The following CAPN8 variants were observed in gnomAD, a reference collection of about 807,000 sequenced individuals.
The protein encoded by CAPN8 is calpain 8, also known as calpain-8.
In CAPN8, 87 loss-of-function variants were observed where a neutral mutation model predicts 80.9. The ratio of observed to expected loss-of-function variants is 1.07; its 90% CI spans 0.90 to 1.28. The LOEUF is 1.28. Ranked by LOEUF, CAPN8 falls within the 50% of genes most tolerant of loss-of-function variation. The pLI is 0.00. For missense variants in CAPN8, 757 were observed against 702.0 expected, an observed-to-expected ratio of 1.08 and a Z score of -0.89; for synonymous variants, 299 against 273.8, an observed-to-expected ratio of 1.09 and a Z score of -0.91.
chr1:223,551,221 C>T (rs1656778868), intron 14 of CAPN8, among the ~76,000 whole-genome samples: 1 of 152,220 alleles, frequency 6.6e-6, no homozygotes, highest in Non-Finnish European at 1.5e-5. Flanking sequence ...CTGCTCACTG[C>T]AACCTCCATT....
intron 2 of CAPN8, among the ~76,000 whole-genome samples, chr1:223,650,952 G>T (rs1349919635): frequency 1.3e-5 from 2 of 152,226 alleles, no homozygotes; most frequent in African/African-American, 4.8e-5. Flanking sequence ...GGAACGAGCA[G>T]TGGAGGGACT....
chr1:223,645,745 C>T (rs1168399343), intron 2 of CAPN8, among the ~76,000 whole-genome samples: 2 of 152,306 alleles, frequency 1.3e-5, no homozygotes, highest in African/African-American at 2.4e-5. Context: ...AGCAAGAATG[C>T]AGACCAAAGT....
chr1:223,641,971 C>A (rs1051088557), intron 2 of CAPN8, among the ~76,000 whole-genome samples: 2 of 152,238 alleles, frequency 1.3e-5, no homozygotes, highest in African/African-American at 2.4e-5. Context: ...CTTCAATCCA[C>A]CACCATTCAA....
At chr1:223,552,549 C>T (rs533736653) in intron 14 of CAPN8, among the ~76,000 whole-genome samples, 1 of 110,406 alleles carries the variant, frequency 9.1e-6, no homozygotes. Flanking sequence ...CACAGAGCAA[C>T]AGTCCATCTC....
Position 223,544,794 on chromosome 1 carries a change from C to T in CAPN8, c.1890G>A (p.Met630Ile), listed in dbSNP as rs528355016. The change falls in exon 18 of 21, where the codon ATG (methionine) becomes ATA (isoleucine). Residue 630 changes from methionine to isoleucine, a missense_variant. Coordinates refer to ENST00000366872, the MANE Select transcript of CAPN8 (RefSeq NM_001143962.2). ...NHSGTIDAHE[M>I]RTALRKAGFT... ...CACCTGCCTTCCTGAGGGCTGTCCT[C>T]ATCTCGTGGGCATCGATGGTGCCCG... is the stretch of plus-strand genomic sequence containing the variant. The T allele has an allele frequency of 7.3e-5, 113 of 1,551,716 alleles. 1 individual carries two copies. In the South Asian group the frequency reaches 1.2e-3, roughly 17 times the overall value.
chr1:223,633,758 A>T (rs573998164), intron 2 of CAPN8, among the ~76,000 whole-genome samples: 12 of 152,326 alleles, frequency 7.9e-5, no homozygotes, highest in African/African-American at 2.6e-4. Flanking sequence ...TTCCCTTTAC[A>T]CATTAAAATC....
intron 16 of CAPN8, among the ~76,000 whole-genome samples, chr1:223,548,574 A>AC (rs1171504158): frequency 6.6e-6 from 1 of 152,118 alleles, no homozygotes; most frequent in East Asian, 1.9e-4. Flanking sequence ...AAACTCCCTC[A>AC]CCCCATCTAC....
intron 10 of CAPN8, among the ~76,000 whole-genome samples, chr1:223,614,678 C>T (rs1274210188): frequency 6.6e-6 from 1 of 152,202 alleles, no homozygotes; most frequent in Non-Finnish European, 1.5e-5. Flanking sequence ...GTGCATCTCA[C>T]TTTCCACTTC....
intron 11 of CAPN8, among the ~76,000 whole-genome samples, chr1:223,611,819 C>A (rs1657037246): frequency 6.6e-6 from 1 of 152,234 alleles, no homozygotes; most frequent in African/African-American, 2.4e-5. Context: ...ATGAATTGAG[C>A]CTTGCTGGCA....
Position 223,627,120 on chromosome 1 carries a change from T to C in CAPN8, c.598A>G (p.Thr200Ala). ...GCYEALAGGS[T>A]VEGFEDFTGG... ...GTGAAATCCTCAAACCCCTCCACTG[T>C]GGAACCTCCAGCGAGAGCCTCATAA... Residue 200 changes from threonine to alanine, a missense_variant, in exon 5 of 21, where the codon ACA becomes GCA. Thr to Ala is a moderately conservative substitution (Grantham distance 58, BLOSUM62 0). Transcript: ENST00000366872. 1.9e-6 allele frequency: 3 copies of C among 1,552,338 alleles called. No homozygotes were observed. Among genetic ancestry groups the C allele is most frequent in the Non-Finnish European group, 2.6e-6 (3 of 1,147,126 alleles).
chr1:223,640,974 T>G (rs926735685), intron 2 of CAPN8, among the ~76,000 whole-genome samples: 1 of 152,094 alleles, frequency 6.6e-6, no homozygotes. Flanking sequence ...TCAGTACCAC[T>G]GACCAAGAAG....
At position 223,627,059 on chromosome 1, in the gene CAPN8, G is replaced by T. The variant is rs1199042597; in HGVS notation, c.659C>A (p.Pro220Gln). 1.3e-6 allele frequency: 2 copies of T among 1,551,872 alleles called. No homozygotes were observed. The highest frequency in any genetic ancestry group is 1.4e-5 in the African/African-American group (1 of 73,134). The change falls in exon 5 of 21, where the codon CCA (proline) becomes CAA (glutamine). Residue 220 changes from proline to glutamine, a missense_variant. Physicochemically the swap from Pro to Gln is moderately conservative, Grantham distance 76 (BLOSUM62 -1). Transcript: ENST00000366872. ...GATGATCTGATATAGATTGGCTGGT[G>T]GTTTCTTCAGGTCATAAAACTCAGA... ...GISEFYDLKK[P>Q]PANLYQIIRK... is the part of the protein sequence containing the mutation.
intron 10 of CAPN8, 42 bp from the exon 11 acceptor site, chr1:223,612,299 A>G: frequency 8.1e-7 from 1 of 1,234,016 alleles, no homozygotes; most frequent in Non-Finnish European, 1.0e-6. Flanking sequence ...GAGAGCTCCA[A>G]GGTCCTCCTT....
chr1:223,626,788 C>G (rs1279619017), intron 5 of CAPN8, among the ~76,000 whole-genome samples: 1 of 152,104 alleles, frequency 6.6e-6, no homozygotes, highest in Non-Finnish European at 1.5e-5. Flanking sequence ...TGCAACTAAC[C>G]CCAGTTCCTA....
intron 11 of CAPN8, among the ~76,000 whole-genome samples, chr1:223,610,254 G>T (rs978383311): frequency 6.6e-6 from 1 of 152,156 alleles, no homozygotes; most frequent in Admixed American, 6.5e-5. Flanking sequence ...GTTCATTCTT[G>T]GTCATCAGAC....
chr1:223,631,694 A>G (rs867103898), intron 2 of CAPN8, among the ~76,000 whole-genome samples: 10 of 152,254 alleles, frequency 6.6e-5, no homozygotes, highest in African/African-American at 1.7e-4. Context: ...TTTGCACCTC[A>G]GCCTCCCAAG....
intron 1 of CAPN8, among the ~76,000 whole-genome samples, chr1:223,661,474 A>G (rs939819908): frequency 6.6e-6 from 1 of 152,184 alleles, no homozygotes; most frequent in African/African-American, 2.4e-5. Context: ...TACTAAAAAT[A>G]TAAAAATTTG....
intron 2 of CAPN8, among the ~76,000 whole-genome samples, chr1:223,632,906 G>A (rs1358281537): frequency 1.3e-5 from 2 of 152,188 alleles, no homozygotes; most frequent in African/African-American, 2.4e-5. Context: ...GACTTGGCTG[G>A]CAGAGACTTT....
At chr1:223,614,476 C>T (rs1657115461) in intron 10 of CAPN8, among the ~76,000 whole-genome samples, 1 of 151,932 alleles carries the variant, frequency 6.6e-6, no homozygotes, top group African/African-American at 2.4e-5. Context: ...CTACTATTGA[C>T]TCTCCAAAAC....
Sources: allele counts gnomAD v4.1 joint callset (sites outside exome capture counted in the v4.1 genomes callset), GRCh38; gene constraint gnomAD v4.1.1; transcripts MANE v1.5; gene names NCBI Gene and HGNC (gene_info 2026-07-23, HGNC 2026-07-21).